UBE4B: variants seen among roughly 807,000 people sequenced by gnomAD.
UBE4B encodes the protein ubiquitin conjugation factor E4 B.
Under a neutral mutation model 148.1 loss-of-function variants are expected in UBE4B, and 27 were observed. The ratio of observed to expected loss-of-function variants is 0.18; its 90% confidence interval spans 0.13 to 0.25. UBE4B has a LOEUF of 0.25. UBE4B is among the 10% of genes least tolerant of loss of function. The pLI is 1.00. For missense variants in UBE4B, 1,170 were observed against 1,662.4 expected (o/e 0.70, Z 5.15); for synonymous variants, 596 against 619.3 (o/e 0.96, Z 0.56).
In UBE4B at chr1:10,179,528, C is replaced by T. The variant is rs139108939; in HGVS notation, c.3813C>T (p.Asn1271=). The T allele has an allele frequency of 2.0e-4, 316 of 1,613,860 alleles. 2 individuals carry two copies. The African/African-American group carries it at 3.8e-3, about 19-fold the overall frequency. Residue 1271 remains asparagine (N), a synonymous_variant, in exon 27 of 28, where the codon AAC becomes AAT. Transcript: ENST00000343090. ...HLLNSPTDPF[N]RQTLTESMLE... ...TCAACTCCCCCACGGACCCCTTCAACCGGCAGACGCTGACAGAGAGCATGC... is the reference window on the plus strand; with the variant it reads ...TCAACTCCCCCACGGACCCCTTCAATCGGCAGACGCTGACAGAGAGCATGC...
chr1:10,135,571 T>C lies in UBE4B; in HGVS notation c.2224+385T>C, dbSNP rs543167895. On this transcript the variant is annotated intron_variant, in intron 16 of 27. Coordinates refer to ENST00000343090, the MANE Select transcript of UBE4B (RefSeq NM_001105562.3). ...GATCACCATGGTGAAACCCCATCTC[T>C]ACTAAAAATACAAAAATTAGCGGGT... 2.0e-3 allele frequency among the ~76,000 whole-genome samples: 310 copies of C among 152,146 alleles called. 1 individual carries two copies. In the Middle Eastern group the frequency reaches 0.02, roughly 10 times the overall value.
At chr1:10,061,990 A>G (rs1470535178) in intron 1 of UBE4B, among the ~76,000 whole-genome samples, 1 of 148,210 alleles carries the variant, frequency 6.7e-6, no homozygotes, top group Non-Finnish European at 1.5e-5. Context: ...GCTCACTGCA[A>G]CCTCCGCCTC....
chr1:10,120,175 A>G (rs1482009784), intron 9 of UBE4B, among the ~76,000 whole-genome samples: 2 of 152,178 alleles, frequency 1.3e-5, no homozygotes, highest in East Asian at 1.9e-4. Flanking sequence ...TTTAAAAAGG[A>G]TGTGTATTTC....
At chr1:10,060,497 C>T (rs1469223172) in intron 1 of UBE4B, among the ~76,000 whole-genome samples, 1 of 152,118 alleles carries the variant, frequency 6.6e-6, no homozygotes, top group Non-Finnish European at 1.5e-5. Flanking sequence ...CGTTATGCAG[C>T]CCATGACTGT....
At chr1:10,171,812 CA>C (rs1646343355) in intron 25 of UBE4B, among the ~76,000 whole-genome samples, 1 of 152,082 alleles carries the variant, frequency 6.6e-6, no homozygotes, top group Admixed American at 6.6e-5. Flanking sequence ...ACCCAGGAGG[CA>C]GAGGTTTCAG....
Position 10,072,111 on chromosome 1 carries a change from C to T in UBE4B, c.108C>T (p.Asn36=). Residue 36 remains asparagine, a synonymous_variant, in exon 2 of 28, where the codon AAC becomes AAT. Coordinates refer to ENST00000343090, the MANE Select transcript of UBE4B (RefSeq NM_001105562.3). ...CACTCACCTCTCCCCAGAGGGAGAACCCTCCGGGGCCTCCCATAGCGGCAT... is the reference window on the plus strand; with the variant it reads ...CACTCACCTCTCCCCAGAGGGAGAATCCTCCGGGGCCTCCCATAGCGGCAT... ...TTPLTSPQRE[N]PPGPPIAASA... 1 of 1,613,552 alleles carries T rather than the reference C, an allele frequency of 6.2e-7. No homozygotes were observed. The highest frequency in any genetic ancestry group is 8.5e-7 in the Non-Finnish European group (1 of 1,179,812).
chr1:10,152,671 G>A (rs1482372704), intron 21 of UBE4B, among the ~76,000 whole-genome samples: 2 of 151,686 alleles, frequency 1.3e-5, no homozygotes, highest in Non-Finnish European at 2.9e-5. Context: ...GGCGGGCGGC[G>A]CCTGTCATCC....
chr1:10,087,665 CA>C (rs771979239), intron 2 of UBE4B, among the ~76,000 whole-genome samples: 2 of 152,196 alleles, frequency 1.3e-5, no homozygotes, highest in Non-Finnish European at 2.9e-5. Context: ...CACATCGTAT[CA>C]GGGGTATATA....
At chr1:10,081,286 C>A (rs1260015247) in intron 2 of UBE4B, among the ~76,000 whole-genome samples, 3 of 151,372 alleles carry the variant, frequency 2.0e-5, no homozygotes, top group Non-Finnish European at 4.4e-5. Flanking sequence ...TCTCCAACTC[C>A]CGATGTCAGA....
chr1:10,110,572 C>A (rs987652932), intron 7 of UBE4B, among the ~76,000 whole-genome samples: 7 of 151,796 alleles, frequency 4.6e-5, no homozygotes, highest in Admixed American at 3.3e-4. Flanking sequence ...AAAAAATTAC[C>A]CCATGGTAAA....
intron 17 of UBE4B, among the ~76,000 whole-genome samples, chr1:10,138,849 G>A (rs76489244): frequency 0.011 from 1,724 of 152,214 alleles, 27 homozygotes; most frequent in African/African-American, 0.038. Flanking sequence ...CTGTTGAGGA[G>A]ACTAGACTTT....
At chr1:10,072,798 C>A in intron 2 of UBE4B, 1 of 241,228 alleles carries the variant, frequency 4.1e-6, no homozygotes, top group Non-Finnish European at 7.9e-6. Flanking sequence ...GAAAATATCT[C>A]TCTTTTGTCT....
chr1:10,102,655 C>G (rs1210925234), intron 4 of UBE4B, among the ~76,000 whole-genome samples: 1 of 152,048 alleles, frequency 6.6e-6, no homozygotes, highest in Non-Finnish European at 1.5e-5. Flanking sequence ...AGGTGATCCA[C>G]TGGCCTCGGC....
intron 7 of UBE4B, among the ~76,000 whole-genome samples, 183 bp from the exon 8 acceptor site, chr1:10,117,276 A>G (rs1645328297): frequency 1.3e-5 from 2 of 152,198 alleles, no homozygotes; most frequent in African/African-American, 4.8e-5. Context: ...AATGTTACCA[A>G]AAGTTACTAT....
At chr1:10,103,632 G>GTTTTTTTTTTTTTTTTTTTTTTTTTTT (rs1186811301) in intron 5 of UBE4B, among the ~76,000 whole-genome samples, 1 of 106,504 alleles carries the variant, frequency 9.4e-6, no homozygotes, top group Non-Finnish European at 2.0e-5. Flanking sequence ...TTTTGTTTTT[G>GTTTTTTTTTTTTTTTTTTTTTTTTTTT]TTTTTTTTTT....
At chr1:10,141,860 A>G (rs1164078960) in intron 17 of UBE4B, among the ~76,000 whole-genome samples, 1 of 152,148 alleles carries the variant, frequency 6.6e-6, no homozygotes, top group Non-Finnish European at 1.5e-5. Context: ...AAACTCCTCC[A>G]TTTGAACTCT....
chr1:10,161,994 T>C lies in UBE4B; in HGVS notation c.3198+708T>C, dbSNP rs1646168219. Among the ~76,000 whole-genome samples, 1 of 151,394 alleles carries C rather than the reference T, an allele frequency of 6.6e-6. No individual in the cohort carries two copies. Among genetic ancestry groups the C allele is most frequent in the South Asian group, 2.1e-4 (1 of 4,826 alleles). On this transcript the variant is annotated intron_variant, in intron 23 of 27. Transcript: ENST00000343090. This position sits in a 1 kb window ranked among gnomAD's most constrained non-coding sequence, Gnocchi z 4.1. ...AAAGTGGGGACTGCTTTTTCTTCAC[T>C]TTTTCTTTTTTTTTTTTTTTTGAGA...
chr1:10,164,804 C>G (rs895213264), intron 23 of UBE4B, among the ~76,000 whole-genome samples: 2 of 152,096 alleles, frequency 1.3e-5, no homozygotes, highest in African/African-American at 4.8e-5. Flanking sequence ...ATTTCTTTCC[C>G]ACTCATGCTC....
chr1:10,040,629 T>A (rs1419975762), intron 1 of UBE4B, among the ~76,000 whole-genome samples: 1 of 151,492 alleles, frequency 6.6e-6, no homozygotes, highest in Non-Finnish European at 1.5e-5. Flanking sequence ...TTCTTTTTTT[T>A]TTTTTGAGAT....
Sources: allele counts gnomAD v4.1 joint callset (sites outside exome capture counted in the v4.1 genomes callset), GRCh38; gene constraint gnomAD v4.1.1; non-coding constraint Gnocchi (gnomAD v3.1); transcripts MANE v1.5; gene names NCBI Gene and HGNC (gene_info 2026-07-23, HGNC 2026-07-21).